EIF1AD: variants seen among roughly 807,000 people sequenced by gnomAD.
EIF1AD encodes the protein eukaryotic translation initiation factor 1A domain containing, also known as probable RNA-binding protein EIF1AD.
EIF1AD carries 9 observed loss-of-function variants against 21.7 expected under a neutral mutation model. The ratio of observed to expected loss-of-function variants is 0.41; its 90% CI spans 0.25 to 0.72. EIF1AD has a LOEUF of 0.72. Among genes scored for constraint, EIF1AD ranks in the 30% least tolerant of loss-of-function variants. The probability of loss-of-function intolerance (pLI) is 0.29; values close to 1 mark genes in which losing one functional copy is unlikely to be tolerated. For missense variants in EIF1AD, 164 were observed against 199.7 expected (o/e 0.82, Z 1.08); for synonymous variants, 78 against 70.9 (o/e 1.10, Z -0.50).
rs12795592 is a variant in EIF1AD, at chr11:65,997,554, G to C, written c.*1045C>G. 2 of 152,234 alleles carry C rather than the reference G, an allele frequency of 1.3e-5. No homozygotes were observed. The highest frequency in any genetic ancestry group is 2.9e-5 in the Non-Finnish European group (2 of 68,070). The allele number at this position is 152,234 out of a possible 1,614,324, so 9.4% of individuals were successfully genotyped here. ...GTTTTGAAACAGACATCCCAGAGTAGATCTGCTGGGCAGTGCTTAGTGTCC... is the reference window on the plus strand; with the variant it reads ...GTTTTGAAACAGACATCCCAGAGTACATCTGCTGGGCAGTGCTTAGTGTCC... On this transcript the variant is annotated 3_prime_UTR_variant, in exon 6 of 6. Transcript: ENST00000533544.
In EIF1AD at chr11:65,999,555, G is replaced by T; in HGVS notation, c.305+12C>A. ...AGAAGCCAGACAGCCAATGATCAAG[G>T]GGACCACCTACCAAAACCCCTCCTT... On this transcript the variant is annotated intron_variant, in intron 4 of 5. Coordinates refer to ENST00000533544, the MANE Select transcript of EIF1AD (RefSeq NM_001242481.2). 3 of 1,608,518 alleles carry T rather than the reference G, an allele frequency of 1.9e-6. No individual in the cohort carries two copies. The highest frequency in any genetic ancestry group is 2.6e-6 in the Non-Finnish European group (3 of 1,175,454).
rs759533397 is a variant in EIF1AD at position 66,000,432 on chromosome 11, ACTC to A, written c.-46_-44del. ...CTGGTTAGGAACGAAGAGACTGTCA[ACTC>A]CTCCTCCTGAGTTCCTTGGATGGCA... On this transcript the variant is annotated 5_prime_UTR_variant, in exon 2 of 6. Coordinates refer to ENST00000533544, the MANE Select transcript of EIF1AD (RefSeq NM_001242481.2). 1.4e-4 allele frequency: 218 copies of A among 1,557,400 alleles called. No homozygotes were observed. The highest frequency in any genetic ancestry group is 1.7e-4 in the Non-Finnish European group (199 of 1,148,810).
rs2134955203 is a variant in EIF1AD, at chr11:65,999,501, A to G, written c.305+66T>C. The G allele has an allele frequency of 1.9e-6, 3 of 1,599,016 alleles. No homozygotes were observed. The East Asian group carries it at 6.7e-5, about 36-fold the overall frequency. On this transcript the variant is annotated intron_variant, in intron 4 of 5. Transcript: ENST00000533544. ...GGGATGCCATGACCTTCCCTCCCCT[A>G]ATTCCCAAGCTAGGAAGGCAATGCC...
At chr11:66,000,226 C>A in intron 2 of EIF1AD, 65 bp from the exon 3 acceptor site, 1 of 1,607,478 alleles carries the variant, frequency 6.2e-7, no homozygotes, top group South Asian at 1.1e-5. Context: ...AGACACGCTG[C>A]ACCCTACCCC....
chr11:65,998,734 T>A lies in EIF1AD; in HGVS notation c.363A>T (p.Gln121His), dbSNP rs776335494. The A allele has an allele frequency of 1.2e-6, 2 of 1,613,966 alleles. No individual in the cohort carries two copies. Among genetic ancestry groups the A allele is most frequent in the Non-Finnish European group, 1.7e-6 (2 of 1,180,006 alleles). Residue 121 changes from glutamine (Q) to histidine (H), a missense_variant, in exon 6 of 6, where the codon CAA (glutamine) becomes CAT (histidine). Coordinates refer to ENST00000533544, the MANE Select transcript of EIF1AD (RefSeq NM_001242481.2). ...EKHNNRNRQT[Q>H]PELPAEPQLS... ...ACTGTGGCTCAGCTGGGAGTTCTGG[T>A]TGAGTTTGTCTGCACGAAGGGAAGA...
chr11:66,001,256 G>A (rs531820241), intron 1 of EIF1AD, among the ~76,000 whole-genome samples: 5 of 151,994 alleles, frequency 3.3e-5, no homozygotes, highest in African/African-American at 4.8e-5. Context: ...GGCGGATCAC[G>A]ATGTCAGGAG....
Position 66,000,115 on chromosome 11 carries a change from T to C in EIF1AD, c.134A>G (p.Gln45Arg), listed in dbSNP as rs1167973910. 1 of 1,614,054 alleles carries C rather than the reference T, an allele frequency of 6.2e-7. No individual in the cohort carries two copies. The highest frequency in any genetic ancestry group is 2.2e-5 in the East Asian group (1 of 44,900). The change falls in exon 3 of 6, where the codon CAA (glutamine) becomes CGA (arginine). Residue 45 changes from glutamine to arginine, a missense_variant. Gln to Arg is a conservative substitution (Grantham distance 43, BLOSUM62 1). Transcript: ENST00000533544. ...GNNLHEVETA[Q>R]GQRFLVSMPS... ...CATGCTCACCAGGAAGCGCTGCCCT[T>C]GGGCTGTCTCCACCTCATGCAGATT... is the stretch of plus-strand genomic sequence containing the variant.
At chr11:65,999,737 T>A in intron 3 of EIF1AD, 62 bp from the exon 4 acceptor site, 1 of 1,226,748 alleles carries the variant, frequency 8.2e-7, no homozygotes, top group Non-Finnish European at 1.2e-6. Context: ...GCCAAAGCCA[T>A]AGGAAGGGGT....
In EIF1AD at chr11:65,997,984, T is replaced by G. The variant is rs907800460; in HGVS notation, c.*615A>C. ...AGATTTGCCAGCCACCTTCTGGAAG[T>G]GATAGATGGTGCAGAGTGGGAGAGA... On this transcript the variant is annotated 3_prime_UTR_variant, in exon 6 of 6. Transcript: ENST00000533544. 5 of 152,162 alleles carry G rather than the reference T, an allele frequency of 3.3e-5. No individual in the cohort carries two copies. Among genetic ancestry groups the G allele is most frequent in the Admixed American group, 2.0e-4 (3 of 15,262 alleles). 9.4% of individuals were successfully genotyped at this position (152,162 alleles called of 1,614,324 possible). A position where few individuals can be genotyped will look rare whatever the true frequency, so the allele number is the denominator to read the frequency against.
chr11:65,997,501 C>G lies in EIF1AD; in HGVS notation c.*1098G>C, dbSNP rs1353213893. 6.6e-6 allele frequency: 1 copy of G among 152,236 alleles called. No individual in the cohort carries two copies. The highest frequency in any genetic ancestry group is 6.5e-5 in the Admixed American group (1 of 15,276). The allele number at this position is 152,236 out of a possible 1,614,324, so 9.4% of individuals were successfully genotyped here. A position where few individuals can be genotyped will look rare whatever the true frequency, so the allele number is the denominator to read the frequency against. On this transcript the variant is annotated 3_prime_UTR_variant, in exon 6 of 6. Transcript: ENST00000533544. ...GAGGCATGTGTTGTGGTAACTACCA[C>G]AAGGGGGAATTGATAGATAAGACAG...
In EIF1AD at chr11:65,998,575, A is replaced by T; in HGVS notation, c.*24T>A. Reference sequence around the variant, plus strand: ...AGAGCCAGGGGCCAGTCCCTGAGCAAGTGGAGAATTGGGTCCTGGAGTCTC... The same window carrying T: ...AGAGCCAGGGGCCAGTCCCTGAGCATGTGGAGAATTGGGTCCTGGAGTCTC... On this transcript the variant is annotated 3_prime_UTR_variant, in exon 6 of 6. Transcript: ENST00000533544. 6.2e-7 allele frequency: 1 copy of T among 1,611,748 alleles called. No homozygotes were observed. The highest frequency in any genetic ancestry group is 8.5e-7 in the Non-Finnish European group (1 of 1,179,188).
rs1457464670 is a variant in EIF1AD, at chr11:65,997,349, A to G, written c.*1250T>C. The G allele has an allele frequency of 6.7e-6, 1 of 150,168 alleles. No homozygotes were observed. The highest frequency in any genetic ancestry group is 1.5e-5 in the Non-Finnish European group (1 of 67,638). The allele number at this position is 150,168 out of a possible 1,614,324, so 9.3% of individuals were successfully genotyped here. On this transcript the variant is annotated 3_prime_UTR_variant, in exon 6 of 6. Coordinates refer to ENST00000533544, the MANE Select transcript of EIF1AD (RefSeq NM_001242481.2). The stretch of plus-strand genomic sequence containing the variant: ...CTCAAAAAAAAAAAAAAAAAAAAAA[A>G]GATAGTCTCCAAAACACAAGAGGTA...
intron 1 of EIF1AD, among the ~76,000 whole-genome samples, 179 bp downstream of exon 1, chr11:66,001,731 G>T (rs138706797): frequency 6.6e-6 from 1 of 152,294 alleles, no homozygotes; most frequent in Non-Finnish European, 1.5e-5. Context: ...GTTAATTAAA[G>T]GTTGAGGTGA....
chr11:65,999,805 C>T, intron 3 of EIF1AD, 130 bp from the exon 4 acceptor site: 1 of 703,630 alleles, frequency 1.4e-6, no homozygotes, highest in South Asian at 1.8e-5. Context: ...TTTTTTGAGA[C>T]AGGGTCTTGC....
chr11:65,999,448 A>G (rs747437537), intron 4 of EIF1AD, 51 bp from the exon 5 acceptor site: 3 of 1,613,868 alleles, frequency 1.9e-6, no homozygotes, highest in Non-Finnish European at 2.5e-6. Flanking sequence ...ATTTCTCACA[A>G]AAGAGCTGCT....
chr11:65,999,727 G>T, intron 3 of EIF1AD, 52 bp from the exon 4 acceptor site: 3 of 1,340,496 alleles, frequency 2.2e-6, no homozygotes, highest in Non-Finnish European at 2.1e-6. Context: ...AATAAGGAAA[G>T]CCAAAGCCAT....
At chr11:66,001,004 A>C (rs1590664429) in intron 1 of EIF1AD, among the ~76,000 whole-genome samples, 1 of 152,140 alleles carries the variant, frequency 6.6e-6, no homozygotes, top group South Asian at 2.1e-4. Context: ...TAGAGTTGTA[A>C]GCCCTTAAAA....
At chr11:66,001,276 A>T (rs892026733) in intron 1 of EIF1AD, among the ~76,000 whole-genome samples, 4 of 152,078 alleles carry the variant, frequency 2.6e-5, no homozygotes, top group Non-Finnish European at 5.9e-5. Context: ...GATCGAGACC[A>T]TCCTGGCTAA....
chr11:66,002,104 CA>C lies in EIF1AD; in HGVS notation c.-312del, dbSNP rs1179658615. ...CCAGTGTTCCCAGTTCCCACCAGTC[CA>C]ACTGCGAGGAGTGCGACGTGAGTCT... On this transcript the variant is annotated 5_prime_UTR_variant, in exon 1 of 6. Transcript: ENST00000533544. 6.6e-6 allele frequency: 1 copy of C among 152,120 alleles called. No homozygotes were observed. The highest frequency in any genetic ancestry group is 1.5e-5 in the Non-Finnish European group (1 of 68,078). 9.4% of individuals were successfully genotyped at this position (152,120 alleles called of 1,614,324 possible).
Sources: gnomAD v4.1 joint callset for allele counts (sites outside exome capture counted in the v4.1 genomes callset) on GRCh38, gnomAD v4.1.1 for gene constraint, MANE v1.5 for transcripts, NCBI Gene and HGNC (gene_info 2026-07-23, HGNC 2026-07-21) for gene names.